Variants in DONSON observed in about 807,000 individuals in gnomAD.
DONSON encodes the protein DNA replication fork stabilization factor DONSON, also known as protein downstream neighbor of Son.
DONSON carries 43 observed loss-of-function variants against 62.1 expected under a neutral mutation model. That is an observed-to-expected ratio of 0.69 (90% CI 0.54 to 0.89). DONSON has a LOEUF of 0.89. Ranked by LOEUF, DONSON falls within the 40% of genes least tolerant of loss-of-function variation. DONSON has a pLI of 0.00. For missense variants in DONSON, 696 were observed against 697.5 expected, an observed-to-expected ratio of 1.00 and a Z score of 0.03; for synonymous variants, 266 against 264.6, an observed-to-expected ratio of 1.01 and a Z score of -0.05.
Position 33,582,189 on chromosome 21 carries a change from G to T in DONSON, c.1022C>A (p.Ser341Tyr). The change falls in exon 6 of 10, where the codon TCT (serine) becomes TAT (tyrosine). Residue 341 changes from serine (S) to tyrosine (Y), a missense_variant. Ser to Tyr is a moderately radical substitution (Grantham distance 144, BLOSUM62 -2). Transcript: ENST00000303071. ...KESGHKKETA[S>Y]GTSLGYGEEQ... is the part of the protein sequence containing the mutation. ...CTCCCCATATCCCAAGCTTGTTCCA[G>T]ATGCTGTCTCCTTCTTATGGCCACT... is the stretch of plus-strand genomic sequence containing the variant. 6.2e-7 allele frequency: 1 copy of T among 1,614,056 alleles called. No individual in the cohort carries two copies. Among genetic ancestry groups the T allele is most frequent in the South Asian group, 1.1e-5 (1 of 91,078 alleles).
chr21:33,577,681 ACACACACACACACACACACACC>A lies in DONSON; in HGVS notation c.*604_*625del, dbSNP rs2086446725. On this transcript the variant is annotated 3_prime_UTR_variant, in exon 10 of 10. Transcript: ENST00000303071. ...CACACACACACACACACACACACAC[ACACACACACACACACACACACC>A]CCTATAAGCACATTAAATACTACTT... 5.6e-5 allele frequency: 6 copies of A among 106,748 alleles called. No individual in the cohort carries two copies. In the East Asian group the frequency reaches 7.7e-4, roughly 14 times the overall value. 6.6% of individuals were successfully genotyped at this position (106,748 alleles called of 1,614,324 possible). A position where few individuals can be genotyped will look rare whatever the true frequency, so the allele number is the denominator to read the frequency against.
chr21:33,588,347 G>C lies in DONSON; in HGVS notation c.295C>G (p.Arg99Gly). The stretch of plus-strand genomic sequence containing the variant: ...GGGACCGGGGCCTCCGGCTGCTCGC[G>C]GGCCGGCCCGTCGGGGGGCTCCGCG... The part of the protein sequence containing the change: ...VAAEPPDGPA[R>G]EQPEAPVPFL... The change falls in exon 1 of 10, where the codon CGC (arginine) becomes GGC (glycine). Residue 99 changes from arginine to glycine, a missense_variant. Physicochemically the swap from Arg to Gly is moderately radical, Grantham distance 125. Transcript: ENST00000303071. The C allele has an allele frequency of 7.7e-7, 1 of 1,293,560 alleles. No individual in the cohort carries two copies. Among genetic ancestry groups the C allele is most frequent in the Non-Finnish European group, 9.8e-7 (1 of 1,025,138 alleles). 80.1% of individuals were successfully genotyped at this position (1,293,560 alleles called of 1,614,324 possible).
chr21:33,579,875 T>C (rs2086485725), intron 8 of DONSON, among the ~76,000 whole-genome samples: 2 of 152,218 alleles, frequency 1.3e-5, no homozygotes, highest in Admixed American at 6.5e-5. Context: ...TTAAAATCCA[T>C]TCAATTTTAT....
At chr21:33,584,378 A>G (rs1569076530) in intron 4 of DONSON, among the ~76,000 whole-genome samples, 1 of 151,860 alleles carries the variant, frequency 6.6e-6, no homozygotes, top group African/African-American at 2.4e-5. Context: ...CAACACTTAT[A>G]TACATTCTAC....
chr21:33,580,476 A>C (rs1442034180), intron 8 of DONSON, among the ~76,000 whole-genome samples: 1 of 68,524 alleles, frequency 1.5e-5, no homozygotes, highest in African/African-American at 6.9e-5. Flanking sequence ...AAAAAAAAAA[A>C]AAAAAAAAAA....
Position 33,586,173 on chromosome 21 carries a change from A to G in DONSON, c.411T>C (p.His137=), listed in dbSNP as rs761927338. The G allele has an allele frequency of 2.5e-6, 4 of 1,613,990 alleles. No homozygotes were observed. Among genetic ancestry groups the G allele is most frequent in the East Asian group, 2.2e-5 (1 of 44,876 alleles). ...TTVTELPQTS[H]VSFSEPDIPS... ...GAATATCAGGCTCGGAGAATGATACATGTGAAGTCTTTAGAAAACAAAGAA... is the reference window on the plus strand; with the variant it reads ...GAATATCAGGCTCGGAGAATGATACGTGTGAAGTCTTTAGAAAACAAAGAA... Residue 137 remains histidine, a synonymous_variant, in exon 3 of 10, where the codon CAT becomes CAC. Coordinates refer to ENST00000303071, the MANE Select transcript of DONSON (RefSeq NM_017613.4).
rs2086519618 is a variant in DONSON at position 33,582,173 on chromosome 21, T to C, written c.1038A>G (p.Gly346=). ...KKETASGTSL[G]YGEEQAISDE... is the part of the protein sequence containing the mutation. ...TTATTTTAATCACATACTCCCCATATCCCAAGCTTGTTCCAGATGCTGTCT... is the reference window on the plus strand; with the variant it reads ...TTATTTTAATCACATACTCCCCATACCCCAAGCTTGTTCCAGATGCTGTCT... The change falls in exon 6 of 10, where the codon GGA becomes GGG. Residue 346 remains glycine (G), a synonymous_variant. Coordinates refer to ENST00000303071, the MANE Select transcript of DONSON (RefSeq NM_017613.4). The C allele has an allele frequency of 6.2e-7, 1 of 1,613,946 alleles. No individual in the cohort carries two copies. Among genetic ancestry groups the C allele is most frequent in the Non-Finnish European group, 8.5e-7 (1 of 1,179,968 alleles).
chr21:33,587,911 G>A (rs1446972329), intron 1 of DONSON, among the ~76,000 whole-genome samples: 1 of 152,222 alleles, frequency 6.6e-6, no homozygotes, highest in Non-Finnish European at 1.5e-5. Flanking sequence ...TTTGGAGTGC[G>A]TGAGAGAAGG....
chr21:33,578,374 G>T lies in DONSON; in HGVS notation c.1634C>A (p.Pro545Gln). 1 of 1,613,920 alleles carries T rather than the reference G, an allele frequency of 6.2e-7. No individual in the cohort carries two copies. The highest frequency in any genetic ancestry group is 8.5e-7 in the Non-Finnish European group (1 of 1,179,926). ...CCGTAAAGATGATTTCCCAAGTAACGGTATTTGACTAAGTTGCTCCAGAGT... is the reference window on the plus strand; with the variant it reads ...CCGTAAAGATGATTTCCCAAGTAACTGTATTTGACTAAGTTGCTCCAGAGT... The part of the protein sequence containing the change: ...PNTLEQLSQI[P>Q]LLGKSSLRNV... The change falls in exon 10 of 10, where the codon CCG (proline) becomes CAG (glutamine). Residue 545 changes from proline (P) to glutamine (Q), a missense_variant. Pro to Gln is a moderately conservative substitution (Grantham distance 76, BLOSUM62 -1). Coordinates refer to ENST00000303071, the MANE Select transcript of DONSON (RefSeq NM_017613.4).
intron 4 of DONSON, 27 bp from the exon 5 acceptor site, chr21:33,583,693 GTAT>G (rs2086543944): frequency 2.0e-6 from 3 of 1,533,040 alleles, no homozygotes; most frequent in African/African-American, 1.4e-5. Flanking sequence ...TTTTCTTAAG[GTAT>G]TATTAAACAT....
intron 1 of DONSON, among the ~76,000 whole-genome samples, chr21:33,587,945 C>G (rs1366895477): frequency 1.3e-5 from 2 of 152,210 alleles, no homozygotes; most frequent in Non-Finnish European, 2.9e-5. Context: ...ACGGGGGAAG[C>G]AGGGCTTGTC....
At chr21:33,587,022 G>A (rs1362505997) in intron 2 of DONSON, among the ~76,000 whole-genome samples, 14 of 152,198 alleles carry the variant, frequency 9.2e-5, no homozygotes, top group Admixed American at 9.2e-4. Flanking sequence ...TTATTTACAA[G>A]AGAAACTGGG....
At position 33,586,136 on chromosome 21, in the gene DONSON, T is replaced by A; in HGVS notation, c.448A>T (p.Ser150Cys). The A allele has an allele frequency of 6.2e-7, 1 of 1,614,182 alleles. No individual in the cohort carries two copies. Among genetic ancestry groups the A allele is most frequent in the Non-Finnish European group, 8.5e-7 (1 of 1,180,018 alleles). ...FSEPDIPSSK[S>C]TELPVDWSIK... Reference sequence around the variant, plus strand: ...CTCCAGTCCACAGGTAACTCAGTACTTTTTGAGGACGGAATATCAGGCTCG... The same window carrying A: ...CTCCAGTCCACAGGTAACTCAGTACATTTTGAGGACGGAATATCAGGCTCG... The change falls in exon 3 of 10, where the codon AGT becomes TGT. Residue 150 changes from serine to cysteine, a missense_variant. Transcript: ENST00000303071.
chr21:33,582,317 T>C (rs2086522095), intron 5 of DONSON, 71 bp from the exon 6 acceptor site: 2 of 1,277,306 alleles, frequency 1.6e-6, no homozygotes, highest in Non-Finnish European at 1.1e-6. Context: ...ACTTTTAGAG[T>C]GTAAAAAATT....
chr21:33,578,047 A>G lies in DONSON; in HGVS notation c.*260T>C, dbSNP rs141846839. The G allele has an allele frequency of 1.4e-5, 4 of 285,380 alleles. No homozygotes were observed. The highest frequency in any genetic ancestry group is 2.2e-5 in the African/African-American group (1 of 45,896). 17.7% of individuals were successfully genotyped at this position (285,380 alleles called of 1,614,324 possible). On this transcript the variant is annotated 3_prime_UTR_variant, in exon 10 of 10. Transcript: ENST00000303071. Reference sequence around the variant, plus strand: ...CTATGTGATTTCCCATTTGCAAGGAAGCATATTAATTCAGTTTCTGCTCAA... The same window carrying G: ...CTATGTGATTTCCCATTTGCAAGGAGGCATATTAATTCAGTTTCTGCTCAA...
chr21:33,578,485 T>G, intron 9 of DONSON, 41 bp from the exon 10 acceptor site: 1 of 1,573,092 alleles, frequency 6.4e-7, no homozygotes, highest in Non-Finnish European at 8.6e-7. Context: ...AGCACATTAG[T>G]CTTTAAACAC....
In DONSON at chr21:33,581,654, C is replaced by T. The variant is rs558658814; in HGVS notation, c.1152-154G>A. On this transcript the variant is annotated intron_variant, in intron 7 of 9. Transcript: ENST00000303071. ...TTACCGAATCATAAGGCATATGTTT[C>T]AATCAAAATGTTAACAATCTGAATT... Among the ~76,000 whole-genome samples, 4 of 152,308 alleles carry T rather than the reference C, an allele frequency of 2.6e-5. No homozygotes were observed. In the East Asian group the frequency reaches 7.7e-4, roughly 29 times the overall value.
rs375212370 is a variant in DONSON, at chr21:33,579,497, A to G, written c.1416T>C (p.Ile472=). The G allele has an allele frequency of 1.2e-6, 2 of 1,614,100 alleles. No individual in the cohort carries two copies. Among genetic ancestry groups the G allele is most frequent in the Non-Finnish European group, 1.7e-6 (2 of 1,180,028 alleles). The stretch of plus-strand genomic sequence containing the variant: ...GAGAATGAGGCATGATAGGACCTGT[A>G]ATCTCCAAACTAAATTGGTCTCTGT... The part of the protein sequence containing the change: ...SGYRDQFSLE[I]TGPIMPHSLH... Residue 472 remains isoleucine (I), a synonymous_variant, in exon 9 of 10, where the codon ATT becomes ATC. Coordinates refer to ENST00000303071, the MANE Select transcript of DONSON (RefSeq NM_017613.4).
intron 2 of DONSON, among the ~76,000 whole-genome samples, chr21:33,587,015 T>C (rs887920557): frequency 5.9e-5 from 9 of 152,212 alleles, no homozygotes; most frequent in African/African-American, 1.9e-4. Context: ...AGGTCACTTA[T>C]TTACAAGAGA....
Sources: gnomAD v4.1 joint callset for allele counts (sites outside exome capture counted in the v4.1 genomes callset) on GRCh38, gnomAD v4.1.1 for gene constraint, MANE v1.5 for transcripts, NCBI Gene and HGNC (gene_info 2026-07-23, HGNC 2026-07-21) for gene names.